Variants in PPP3CA observed in about 807,000 individuals in gnomAD.
PPP3CA encodes CAM-PRP catalytic subunit.
PPP3CA carries 14 observed loss-of-function variants against 66.5 expected under a neutral mutation model. The ratio of observed to expected loss-of-function variants is 0.21; its 90% CI spans 0.14 to 0.33. The LOEUF is 0.33. PPP3CA is among the 10% of genes least tolerant of loss of function. The pLI, the probability that PPP3CA is intolerant of heterozygous loss-of-function variation, is 1.00. For synonymous variants in PPP3CA, 232 were observed against 226.2 expected (o/e 1.03, Z -0.23); for missense variants, 317 against 639.5 (o/e 0.50, Z 5.44).
At chr4:101,327,134 G>A (rs1179052573) in intron 1 of PPP3CA, among the ~76,000 whole-genome samples, 1 of 152,144 alleles carries the variant, frequency 6.6e-6, no homozygotes, top group Non-Finnish European at 1.5e-5. Context: ...AAGAGTGAAA[G>A]GGAAATAATT....
At chr4:101,314,705 C>A (rs1379849520) in intron 1 of PPP3CA, among the ~76,000 whole-genome samples, 1 of 151,284 alleles carries the variant, frequency 6.6e-6, no homozygotes, top group Non-Finnish European at 1.5e-5. Context: ...AAAATATCTA[C>A]CAATATATTT....
chr4:101,151,652 C>CTTTTTTTTTTTT (rs369745312), intron 2 of PPP3CA, among the ~76,000 whole-genome samples: 3 of 84,826 alleles, frequency 3.5e-5, no homozygotes, highest in Admixed American at 1.7e-4. Flanking sequence ...CCAAGGTTTC[C>CTTTTTTTTTTTT]TTTTTTTTTT....
rs1727089187 is a variant in PPP3CA at position 101,033,293 on chromosome 4, A to AAAC, written c.1242-930_1242-929insGTT. 1.3e-3 allele frequency among the ~76,000 whole-genome samples: 186 copies of AAAC among 139,368 alleles called. 3 individuals carry two copies. The East Asian group carries it at 0.035, about 26-fold the overall frequency. 91.4% of individuals were successfully genotyped at this position (139,368 alleles called of 152,430 possible). On this transcript the variant is annotated intron_variant, in intron 11 of 13. Coordinates refer to ENST00000394854, the MANE Select transcript of PPP3CA (RefSeq NM_000944.5). ...ACATAGAGACACACACACACACACA[A>AAAC]ACACACACACACACACACACACACA...
chr4:101,099,535 G>T, intron 4 of PPP3CA, 76 bp downstream of exon 4: 1 of 749,274 alleles, frequency 1.3e-6, no homozygotes. Flanking sequence ...AGATCATATT[G>T]TATGTATCTT....
At chr4:101,293,755 C>T (rs1470416753) in intron 1 of PPP3CA, among the ~76,000 whole-genome samples, 2 of 152,244 alleles carry the variant, frequency 1.3e-5, no homozygotes, top group African/African-American at 4.8e-5. Context: ...GTCACTTCAA[C>T]TCCTTAGGTC....
At chr4:101,127,837 T>C (rs1336790085) in intron 2 of PPP3CA, among the ~76,000 whole-genome samples, 2 of 152,248 alleles carry the variant, frequency 1.3e-5, no homozygotes, top group South Asian at 2.1e-4. Context: ...CAATTAACCT[T>C]TCTGTAACCA....
At chr4:101,299,841 G>A (rs1728320723) in intron 1 of PPP3CA, among the ~76,000 whole-genome samples, 2 of 152,088 alleles carry the variant, frequency 1.3e-5, no homozygotes, top group African/African-American at 2.4e-5. Context: ...TGTTTACACT[G>A]TCTGCCCTAT....
chr4:101,321,419 A>AT (rs1253848804), intron 1 of PPP3CA, among the ~76,000 whole-genome samples: 1 of 152,260 alleles, frequency 6.6e-6, no homozygotes, highest in Non-Finnish European at 1.5e-5. Context: ...GCAGCATGCA[A>AT]TATTACATCA....
chr4:101,099,488 G>GA (rs1167228191), intron 4 of PPP3CA, 123 bp downstream of exon 4: 1 of 467,720 alleles, frequency 2.1e-6, no homozygotes, highest in African/African-American at 2.1e-5. Flanking sequence ...AGGATAATAT[G>GA]AAAGAGTGTC....
intron 1 of PPP3CA, among the ~76,000 whole-genome samples, chr4:101,327,922 T>C (rs1367110568): frequency 1.3e-5 from 2 of 152,246 alleles, no homozygotes; most frequent in East Asian, 3.9e-4. Context: ...ACTGGACACC[T>C]TTCATAAACA....
At chr4:101,162,392 G>A (rs1275904201) in intron 2 of PPP3CA, among the ~76,000 whole-genome samples, 4 of 151,856 alleles carry the variant, frequency 2.6e-5, no homozygotes, top group Admixed American at 6.6e-5. Context: ...TTAGCTGGGT[G>A]TGGTGGCGGG....
chr4:101,282,796 G>A (rs538663361), intron 1 of PPP3CA, among the ~76,000 whole-genome samples: 1 of 152,164 alleles, frequency 6.6e-6, no homozygotes, highest in African/African-American at 2.4e-5. Context: ...GATTTACACA[G>A]AGGAGGAAAA....
At chr4:101,227,936 GTTTA>G (rs1725835654) in intron 1 of PPP3CA, among the ~76,000 whole-genome samples, 1 of 151,646 alleles carries the variant, frequency 6.6e-6, no homozygotes, top group Non-Finnish European at 1.5e-5. Flanking sequence ...ATTCCATGGT[GTTTA>G]TTTATCACAT....
chr4:101,195,897 C>T lies in PPP3CA; in HGVS notation c.259+19G>A. The T allele has an allele frequency of 1.2e-6, 2 of 1,608,970 alleles. No homozygotes were observed. Among genetic ancestry groups the T allele is most frequent in the East Asian group, 2.2e-5 (1 of 44,822 alleles). ...CAAAATGTGTATACAAGTGGGCAAC[C>T]TCCCTCCTCAGGACTTACCAGTGAC... On this transcript the variant is annotated intron_variant, in intron 2 of 13. Transcript: ENST00000394854.
chr4:101,276,044 C>A (rs564212231), intron 1 of PPP3CA, among the ~76,000 whole-genome samples: 1 of 151,664 alleles, frequency 6.6e-6, no homozygotes, highest in Non-Finnish European at 1.5e-5. Context: ...AAAGGTGCAC[C>A]ATCATGCCCA....
intron 1 of PPP3CA, among the ~76,000 whole-genome samples, chr4:101,215,523 C>G (rs1451471519): frequency 6.6e-6 from 1 of 151,910 alleles, no homozygotes; most frequent in Non-Finnish European, 1.5e-5. Context: ...AATCCAGTTA[C>G]CAAGTAAGCA....
chr4:101,103,239 T>A (rs1730524945), intron 3 of PPP3CA, among the ~76,000 whole-genome samples: 1 of 152,106 alleles, frequency 6.6e-6, no homozygotes, highest in Non-Finnish European at 1.5e-5. Context: ...AAAAAGAAAA[T>A]GGACAGCTTT....
At chr4:101,314,963 A>C (rs1276311946) in intron 1 of PPP3CA, among the ~76,000 whole-genome samples, 2 of 152,324 alleles carry the variant, frequency 1.3e-5, no homozygotes, top group East Asian at 3.9e-4. Context: ...TCTTGGTTTT[A>C]TAATTTTTTC....
intron 1 of PPP3CA, among the ~76,000 whole-genome samples, chr4:101,285,236 G>T (rs1727801017): frequency 6.6e-6 from 1 of 151,756 alleles, no homozygotes; most frequent in Non-Finnish European, 1.5e-5. Context: ...TGACATAAAG[G>T]ATTATGTTTA....
Sources: gnomAD v4.1 joint callset for allele counts (sites outside exome capture counted in the v4.1 genomes callset) on GRCh38, gnomAD v4.1.1 for gene constraint, MANE v1.5 for transcripts, NCBI Gene and HGNC (gene_info 2026-07-23, HGNC 2026-07-21) for gene names.